The following LSM11 variants were observed in gnomAD, a reference collection of about 807,000 sequenced individuals.
LSM11 encodes the protein U7 snRNA-associated Sm-like protein LSm11.
LSM11 carries 14 observed loss-of-function variants against 28.1 expected under a neutral mutation model. The ratio of observed to expected loss-of-function variants is 0.50; its 90% confidence interval spans 0.33 to 0.78. The LOEUF is 0.78. LSM11 is among the 30% of genes least tolerant of loss of function. LSM11 has a pLI of 0.02. For missense variants in LSM11, 495 were observed against 510.6 expected (o/e 0.97, Z 0.30); for synonymous variants, 207 against 214.2 (o/e 0.97, Z 0.30).
Position 157,755,584 on chromosome 5 carries a change from A to G in LSM11, c.*320A>G. 1 of 477,902 alleles carries G rather than the reference A, an allele frequency of 2.1e-6. No homozygotes were observed. The highest frequency in any genetic ancestry group is 3.2e-5 in the East Asian group (1 of 31,592). 29.6% of individuals were successfully genotyped at this position (477,902 alleles called of 1,614,324 possible). A position where few individuals can be genotyped will look rare whatever the true frequency, so the allele number is the denominator to read the frequency against. On this transcript the variant is annotated 3_prime_UTR_variant, in exon 4 of 4. Coordinates refer to ENST00000286307, the MANE Select transcript of LSM11 (RefSeq NM_173491.4). ...AGGGGTCATGATATGAGTGGAATTTACATTTTAGATACTATAGGGGAAAGA... is the reference window on the plus strand; with the variant it reads ...AGGGGTCATGATATGAGTGGAATTTGCATTTTAGATACTATAGGGGAAAGA...
chr5:157,743,725 G>C lies in LSM11; in HGVS notation c.-26G>C, dbSNP rs966341623. The C allele has an allele frequency of 1.1e-5, 15 of 1,318,286 alleles. No homozygotes were observed. Among genetic ancestry groups the C allele is most frequent in the African/African-American group, 1.5e-5 (1 of 64,894 alleles). The allele number at this position is 1,318,286 out of a possible 1,614,324, so 81.7% of individuals were successfully genotyped here. On this transcript the variant is annotated 5_prime_UTR_variant, in exon 1 of 4. Coordinates refer to ENST00000286307, the MANE Select transcript of LSM11 (RefSeq NM_173491.4). ...GGCGGCTTCGTTCCTTCTTCCCATC[G>C]GCCTCGGCTTGCGGGCCTTTCAAAC... is the stretch of plus-strand genomic sequence containing the variant.
chr5:157,750,270 CT>C (rs1761211080), intron 1 of LSM11, among the ~76,000 whole-genome samples: 1 of 152,144 alleles, frequency 6.6e-6, no homozygotes, highest in Non-Finnish European at 1.5e-5. Context: ...ATGTGTACGG[CT>C]TTCTTTTGGG....
chr5:157,749,743 A>G (rs1392006283), intron 1 of LSM11, among the ~76,000 whole-genome samples: 2 of 152,022 alleles, frequency 1.3e-5, no homozygotes, highest in South Asian at 2.1e-4. Flanking sequence ...GTCGCTTCCA[A>G]CTCCGAGTTA....
rs1761372457 is a variant in LSM11 at position 157,759,022 on chromosome 5, C to T, written c.*3758C>T. On this transcript the variant is annotated 3_prime_UTR_variant, in exon 4 of 4. Coordinates refer to ENST00000286307, the MANE Select transcript of LSM11 (RefSeq NM_173491.4). ...TTCCTTCCAGGGACCATCTTATGAT[C>T]AGAGGCAGGATGTCTGTGAGATGGT... is the stretch of plus-strand genomic sequence containing the variant. The T allele has an allele frequency of 1.3e-5, 2 of 152,214 alleles. No individual in the cohort carries two copies. Among genetic ancestry groups the T allele is most frequent in the Admixed American group, 6.5e-5 (1 of 15,268 alleles). The allele number at this position is 152,214 out of a possible 1,614,324, so 9.4% of individuals were successfully genotyped here.
Position 157,760,606 on chromosome 5 carries a change from G to A in LSM11, c.*5342G>A, listed in dbSNP as rs1761392448. 6.6e-6 allele frequency: 1 copy of A among 152,150 alleles called. No homozygotes were observed. Among genetic ancestry groups the A allele is most frequent in the African/African-American group, 2.4e-5 (1 of 41,430 alleles). The allele number at this position is 152,150 out of a possible 1,614,324, so 9.4% of individuals were successfully genotyped here. A position where few individuals can be genotyped will look rare whatever the true frequency, so the allele number is the denominator to read the frequency against. On this transcript the variant is annotated 3_prime_UTR_variant, in exon 4 of 4. Transcript: ENST00000286307. Reference sequence around the variant, plus strand: ...TGCTAAATTAACTGAAACCCTTCCTGTCTAGGGAGAATTGCTGCTAGTAAG... The same window carrying A: ...TGCTAAATTAACTGAAACCCTTCCTATCTAGGGAGAATTGCTGCTAGTAAG...
intron 1 of LSM11, among the ~76,000 whole-genome samples, chr5:157,749,235 T>C (rs930226431): frequency 8.5e-5 from 13 of 152,202 alleles, no homozygotes; most frequent in African/African-American, 2.9e-4. Context: ...TTTGGAGGTG[T>C]GGGAAAGAAG....
At chr5:157,748,876 C>T (rs1265536804) in intron 1 of LSM11, among the ~76,000 whole-genome samples, 1 of 152,092 alleles carries the variant, frequency 6.6e-6, no homozygotes, top group Non-Finnish European at 1.5e-5. Context: ...TAACTTTCTC[C>T]AAAGATAAGG....
chr5:157,752,504 T>C (rs1456825959), intron 2 of LSM11, among the ~76,000 whole-genome samples: 1 of 151,996 alleles, frequency 6.6e-6, no homozygotes, highest in Non-Finnish European at 1.5e-5. Flanking sequence ...TCTAGACATT[T>C]GTAGGAGAGA....
chr5:157,744,462 TAAG>T (rs910842634), intron 1 of LSM11, among the ~76,000 whole-genome samples: 14 of 152,082 alleles, frequency 9.2e-5, no homozygotes, highest in African/African-American at 2.9e-4. Context: ...GTAGTGGTCA[TAAG>T]AAGCCGTGGG....
chr5:157,754,716 T>C (rs911505937), intron 3 of LSM11, 138 bp from the exon 4 acceptor site: 2 of 654,712 alleles, frequency 3.1e-6, no homozygotes, highest in African/African-American at 1.9e-5. Context: ...AAAAAAAAGA[T>C]TTATTACTAA....
At chr5:157,749,108 T>C (rs952432416) in intron 1 of LSM11, among the ~76,000 whole-genome samples, 1 of 152,186 alleles carries the variant, frequency 6.6e-6, no homozygotes, top group Non-Finnish European at 1.5e-5. Context: ...ATTAAATCTT[T>C]GGAAGAAAAA....
rs1180784834 is a variant in LSM11, at chr5:157,755,693, T to C, written c.*429T>C. ...TCGATTCCAAGAGTAGTGGTGTAAA[T>C]TGCCTTGGAGCCCTGCATCCACGTC... On this transcript the variant is annotated 3_prime_UTR_variant, in exon 4 of 4. Transcript: ENST00000286307. 2.5e-6 allele frequency: 1 copy of C among 403,526 alleles called. No individual in the cohort carries two copies. The highest frequency in any genetic ancestry group is 4.4e-6 in the Non-Finnish European group (1 of 229,002). The allele number at this position is 403,526 out of a possible 1,614,324, so 25.0% of individuals were successfully genotyped here.
At chr5:157,745,999 T>A (rs745795846) in intron 1 of LSM11, among the ~76,000 whole-genome samples, 25 of 152,166 alleles carry the variant, frequency 1.6e-4, no homozygotes, top group Non-Finnish European at 3.4e-4. Flanking sequence ...CAAAATAATT[T>A]GTGCACCAAA....
At position 157,743,728 on chromosome 5, in the gene LSM11, C is replaced by T. The variant is rs1236551458; in HGVS notation, c.-23C>T. 5.3e-6 allele frequency: 7 copies of T among 1,327,736 alleles called. No individual in the cohort carries two copies. The highest frequency in any genetic ancestry group is 6.7e-6 in the Non-Finnish European group (7 of 1,038,110). The allele number at this position is 1,327,736 out of a possible 1,614,324, so 82.2% of individuals were successfully genotyped here. On this transcript the variant is annotated 5_prime_UTR_variant, in exon 1 of 4. Coordinates refer to ENST00000286307, the MANE Select transcript of LSM11 (RefSeq NM_173491.4). The stretch of plus-strand genomic sequence containing the variant: ...GGCTTCGTTCCTTCTTCCCATCGGC[C>T]TCGGCTTGCGGGCCTTTCAAACATG...
chr5:157,751,487 C>G lies in LSM11; in HGVS notation c.546C>G (p.Val182=). 6.2e-7 allele frequency: 1 copy of G among 1,612,488 alleles called. No individual in the cohort carries two copies. The highest frequency in any genetic ancestry group is 1.1e-5 in the South Asian group (1 of 90,786). ...HIRTFKGLRG[V]CTGFLVAFDK... ...GCACTTTCAAGGGACTTCGGGGCGT[C>G]TGTACAGGCTTCCTTGTTGCATTCG... Residue 182 remains valine, a synonymous_variant, in exon 2 of 4, where the codon GTC becomes GTG. Transcript: ENST00000286307.
At chr5:157,753,149 G>A (rs1264524555) in intron 2 of LSM11, among the ~76,000 whole-genome samples, 1 of 152,178 alleles carries the variant, frequency 6.6e-6, no homozygotes, top group East Asian at 1.9e-4. Flanking sequence ...AAGTGGAAGT[G>A]CCAAACTTTT....
At chr5:157,749,838 C>T (rs1307735279) in intron 1 of LSM11, among the ~76,000 whole-genome samples, 1 of 152,174 alleles carries the variant, frequency 6.6e-6, no homozygotes, top group East Asian at 1.9e-4. Flanking sequence ...TTATCACAGC[C>T]ATCATTTATA....
chr5:157,744,274 G>A, intron 1 of LSM11, 76 bp downstream of exon 1: 1 of 1,119,592 alleles, frequency 8.9e-7, no homozygotes. Flanking sequence ...TCTGCGGGGC[G>A]GCGGTGGCCG....
chr5:157,753,929 T>C, intron 2 of LSM11, 75 bp from the exon 3 acceptor site: 1 of 1,061,828 alleles, frequency 9.4e-7, no homozygotes, highest in Non-Finnish European at 1.3e-6. Context: ...TGCCTTTTTT[T>C]TTTTCCCTGA....
Sources: gnomAD v4.1 joint callset for allele counts (sites outside exome capture counted in the v4.1 genomes callset) on GRCh38, gnomAD v4.1.1 for gene constraint, MANE v1.5 for transcripts, NCBI Gene and HGNC (gene_info 2026-07-23, HGNC 2026-07-21) for gene names.